Variants in INPP5A observed in about 807,000 individuals in gnomAD.
The protein encoded by INPP5A is inositol polyphosphate-5-phosphatase A.
Under a neutral mutation model 65.2 loss-of-function variants are expected in INPP5A, and 14 were observed. That is an observed-to-expected ratio of 0.21 (90% CI 0.14 to 0.34). The LOEUF (loss-of-function observed/expected upper bound fraction) is 0.34. Ranked by LOEUF, INPP5A falls within the 10% of genes least tolerant of loss-of-function variation. The pLI is 1.00. For missense variants in INPP5A, 431 were observed against 545.6 expected (o/e 0.79, Z 2.09); for synonymous variants, 207 against 208.3 (o/e 0.99, Z 0.05).
chr10:132,562,949 C>T (rs186556782), intron 1 of INPP5A, among the ~76,000 whole-genome samples: 1 of 152,322 alleles, frequency 6.6e-6, no homozygotes, highest in Admixed American at 6.5e-5. Flanking sequence ...CCTGTATGCT[C>T]TTCCCTGGCC....
At chr10:132,590,231 G>C (rs1305295616) in intron 1 of INPP5A, among the ~76,000 whole-genome samples, 1 of 152,122 alleles carries the variant, frequency 6.6e-6, no homozygotes, top group African/African-American at 2.4e-5. Flanking sequence ...GCAGTGGTCA[G>C]ATGCCGTCCT....
At chr10:132,657,136 C>T (rs939120510) in intron 4 of INPP5A, among the ~76,000 whole-genome samples, 1 of 152,198 alleles carries the variant, frequency 6.6e-6, no homozygotes, top group Non-Finnish European at 1.5e-5. Flanking sequence ...TAAGCTGCGC[C>T]GCCTGCTCAC....
intron 9 of INPP5A, among the ~76,000 whole-genome samples, chr10:132,733,237 T>A (rs1188028065): frequency 6.6e-6 from 1 of 152,132 alleles, no homozygotes; most frequent in East Asian, 1.9e-4. Flanking sequence ...AGGCCCCATT[T>A]CCAAACAAGG....
intron 1 of INPP5A, among the ~76,000 whole-genome samples, chr10:132,584,433 T>C (rs139024637): frequency 7.8e-4 from 119 of 152,356 alleles, no homozygotes; most frequent in African/African-American, 2.6e-3. Flanking sequence ...TTCTATTCAT[T>C]ATGTGCCAAG....
rs959717725 is a variant in INPP5A at position 132,550,428 on chromosome 10, G to A, written c.75+12257G>A. ...AACTCTGAGGTTCTGCATAGCTAGT[G>A]CCACCTGTGACACTGCTGTCACTCC... On this transcript the variant is annotated intron_variant, in intron 1 of 15. Coordinates refer to ENST00000368594, the MANE Select transcript of INPP5A (RefSeq NM_005539.5). This position sits in a 1 kb window ranked among gnomAD's most constrained non-coding sequence, Gnocchi z 4.2. 6.6e-6 allele frequency among the ~76,000 whole-genome samples: 1 copy of A among 152,180 alleles called. No homozygotes were observed. Among genetic ancestry groups the A allele is most frequent in the Non-Finnish European group, 1.5e-5 (1 of 68,026 alleles).
At position 132,651,852 on chromosome 10, in the gene INPP5A, G is replaced by A. The variant is rs543680530; in HGVS notation, c.306+1347G>A. Among the ~76,000 whole-genome samples, 6 of 152,292 alleles carry A rather than the reference G, an allele frequency of 3.9e-5. No homozygotes were observed. Among genetic ancestry groups the A allele is most frequent in the Admixed American group, 3.3e-4 (5 of 15,302 alleles). ...CAGTAGTGGAGTCTGTACAATCCCGGGAATCCCCCGTTCGGTCTCCGACCC... is the reference window on the plus strand; with the variant it reads ...CAGTAGTGGAGTCTGTACAATCCCGAGAATCCCCCGTTCGGTCTCCGACCC... On this transcript the variant is annotated intron_variant, in intron 4 of 15. Coordinates refer to ENST00000368594, the MANE Select transcript of INPP5A (RefSeq NM_005539.5). This position sits in a 1 kb window ranked among gnomAD's most constrained non-coding sequence, Gnocchi z 5.0.
chr10:132,646,295 C>T (rs2072493441), intron 3 of INPP5A, among the ~76,000 whole-genome samples: 2 of 152,166 alleles, frequency 1.3e-5, no homozygotes, highest in Admixed American at 1.3e-4. Context: ...CCTGTGGTGG[C>T]CGGGGTTCAC....
chr10:132,660,248 TC>T (rs2072718056), intron 4 of INPP5A, among the ~76,000 whole-genome samples: 1 of 152,052 alleles, frequency 6.6e-6, no homozygotes, highest in Non-Finnish European at 1.5e-5. Context: ...AATTGAAAAA[TC>T]AATGTTGAAA....
intron 2 of INPP5A, among the ~76,000 whole-genome samples, chr10:132,610,089 G>A (rs2071922654): frequency 6.6e-6 from 1 of 152,256 alleles, no homozygotes; most frequent in Non-Finnish European, 1.5e-5. Context: ...GTACAGTGCA[G>A]CCATGGCGGA....
At chr10:132,734,546 G>C (rs1846143249) in intron 9 of INPP5A, among the ~76,000 whole-genome samples, 4 of 152,350 alleles carry the variant, frequency 2.6e-5, no homozygotes, top group Admixed American at 2.0e-4. Flanking sequence ...GAGGTTCTGG[G>C]TGGGTGAGTG....
chr10:132,734,129 T>C (rs565086090), intron 9 of INPP5A, among the ~76,000 whole-genome samples: 1 of 152,336 alleles, frequency 6.6e-6, no homozygotes, highest in East Asian at 1.9e-4. Flanking sequence ...CGCAGTGCCA[T>C]GCCCGTGCAG....
Position 132,705,177 on chromosome 10 carries a change from T to C in INPP5A, c.475-3136T>C, listed in dbSNP as rs1845514487. The stretch of plus-strand genomic sequence containing the variant: ...TCCCCACAGCTCAGCTTCCCACTGA[T>C]GTGTTTCCATTGCAGACACAGTTAC... On this transcript the variant is annotated intron_variant, in intron 6 of 15. Coordinates refer to ENST00000368594, the MANE Select transcript of INPP5A (RefSeq NM_005539.5). The surrounding 1 kb of genome is among the most constrained non-coding windows in gnomAD (Gnocchi z 4.9). 6.6e-6 allele frequency among the ~76,000 whole-genome samples: 1 copy of C among 152,204 alleles called. No homozygotes were observed. Among genetic ancestry groups the C allele is most frequent in the African/African-American group, 2.4e-5 (1 of 41,456 alleles).
At chr10:132,750,109 G>A (rs374169983) in intron 11 of INPP5A, among the ~76,000 whole-genome samples, 6 of 152,226 alleles carry the variant, frequency 3.9e-5, no homozygotes, top group African/African-American at 1.4e-4. Flanking sequence ...AGATCCCCCC[G>A]TGTGCGAGGG....
intron 1 of INPP5A, among the ~76,000 whole-genome samples, chr10:132,606,475 G>C (rs376082443): frequency 6.6e-6 from 1 of 152,218 alleles, no homozygotes; most frequent in Non-Finnish European, 1.5e-5. Flanking sequence ...CTCCCTTCGC[G>C]TGTGTGTGTG....
intron 1 of INPP5A, among the ~76,000 whole-genome samples, chr10:132,588,862 G>A (rs1342448089): frequency 6.6e-6 from 1 of 151,270 alleles, no homozygotes; most frequent in South Asian, 2.1e-4. Flanking sequence ...GTGGTCCCGC[G>A]TTCTGTGTGT....
chr10:132,669,906 C>T (rs59244156), intron 4 of INPP5A, among the ~76,000 whole-genome samples: 28,595 of 151,938 alleles, frequency 0.19, 2,926 homozygotes, highest in African/African-American at 0.25. Flanking sequence ...CCTCAGGGTG[C>T]AGCCCTGCAC....
intron 4 of INPP5A, among the ~76,000 whole-genome samples, chr10:132,679,176 A>G (rs189305286): frequency 1.8e-4 from 28 of 152,328 alleles, no homozygotes; most frequent in Admixed American, 3.3e-4. Flanking sequence ...GCAGCAGTGC[A>G]GAGACGTGGA....
intron 2 of INPP5A, among the ~76,000 whole-genome samples, chr10:132,626,227 A>G (rs959150607): frequency 6.6e-6 from 1 of 152,024 alleles, no homozygotes; most frequent in Non-Finnish European, 1.5e-5. Flanking sequence ...TGTGGGGCCC[A>G]CTCTGCGCTC....
At position 132,551,053 on chromosome 10, in the gene INPP5A, G is replaced by A. The variant is rs1428582782; in HGVS notation, c.75+12882G>A. Among the ~76,000 whole-genome samples the A allele has an allele frequency of 1.3e-5, 2 of 152,350 alleles. No individual in the cohort carries two copies. The highest frequency in any genetic ancestry group is 6.5e-5 in the Admixed American group (1 of 15,308). The stretch of plus-strand genomic sequence containing the variant: ...GGGCCAGTGGCTTCAGTAGCCACAC[G>A]CTGCTTGGTCCAGGTTCCTGCCTGA... On this transcript the variant is annotated intron_variant, in intron 1 of 15. Coordinates refer to ENST00000368594, the MANE Select transcript of INPP5A (RefSeq NM_005539.5). The surrounding 1 kb of genome is among the most constrained non-coding windows in gnomAD (Gnocchi z 5.3).
Sources: gnomAD v4.1 joint callset for allele counts (sites outside exome capture counted in the v4.1 genomes callset) on GRCh38, gnomAD v4.1.1 for gene constraint, Gnocchi (gnomAD v3.1) non-coding constraint, MANE v1.5 for transcripts, NCBI Gene and HGNC (gene_info 2026-07-23, HGNC 2026-07-21) for gene names.